The following RGS16 variants were observed in gnomAD, a reference collection of about 807,000 sequenced individuals.
RGS16 encodes hRGS-r.
RGS16 carries 12 observed loss-of-function variants against 18.1 expected under a neutral mutation model. The ratio of observed to expected loss-of-function variants is 0.66; its 90% CI spans 0.42 to 1.07. The LOEUF (loss-of-function observed/expected upper bound fraction) is 1.07. Among genes scored for constraint, RGS16 ranks in the 50% least tolerant of loss-of-function variants. The pLI, the probability that RGS16 is intolerant of heterozygous loss-of-function variation, is 0.00. For synonymous variants in RGS16, 88 were observed against 102.0 expected (o/e 0.86, Z 0.83); for missense variants, 238 against 249.2 (o/e 0.95, Z 0.30).
At chr1:182,601,179 T>C (rs946482564) in intron 4 of RGS16, among the ~76,000 whole-genome samples, 1 of 152,256 alleles carries the variant, frequency 6.6e-6, no homozygotes, top group Non-Finnish European at 1.5e-5. Flanking sequence ...ATGTCCTCAC[T>C]TCCCTTTACA....
At chr1:182,602,547 A>C in intron 2 of RGS16, 63 bp from the exon 3 acceptor site, 2 of 1,339,154 alleles carry the variant, frequency 1.5e-6, no homozygotes, top group South Asian at 2.5e-5. Context: ...GCATAGTACA[A>C]ATTCTAGCCA....
chr1:182,603,806 C>A (rs1191002468), intron 1 of RGS16, among the ~76,000 whole-genome samples: 1 of 151,402 alleles, frequency 6.6e-6, no homozygotes, highest in Admixed American at 6.6e-5. Context: ...CCCACCCCCA[C>A]ACACCCCACC....
intron 3 of RGS16, 45 bp downstream of exon 3, chr1:182,602,375 T>C: frequency 3.8e-6 from 6 of 1,560,082 alleles, no homozygotes; most frequent in Non-Finnish European, 5.3e-6. Flanking sequence ...AGCACATGAG[T>C]ACACATGTGC....
At chr1:182,603,862 G>GCC (rs1661908294) in intron 1 of RGS16, among the ~76,000 whole-genome samples, 2 of 152,012 alleles carry the variant, frequency 1.3e-5, no homozygotes, top group Admixed American at 6.6e-5. Flanking sequence ...AGGAGGCAAT[G>GCC]CCCCTAGCTC....
intron 4 of RGS16, among the ~76,000 whole-genome samples, chr1:182,601,181 C>A (rs892222205): frequency 5.3e-5 from 8 of 152,262 alleles, no homozygotes; most frequent in Non-Finnish European, 1.0e-4. Context: ...GTCCTCACTT[C>A]CCTTTACAGA....
chr1:182,602,359 C>T, intron 3 of RGS16, 61 bp downstream of exon 3: 1 of 1,458,128 alleles, frequency 6.9e-7, no homozygotes, highest in Non-Finnish European at 9.6e-7. Context: ...CTGGGGCTGG[C>T]TCCAAAGCAC....
At chr1:182,604,072 G>C in intron 1 of RGS16, 144 bp downstream of exon 1, 1 of 754,068 alleles carries the variant, frequency 1.3e-6, no homozygotes, top group Non-Finnish European at 2.2e-6. Context: ...TGGAATCTGA[G>C]CACGTGGCAT....
intron 1 of RGS16, 59 bp from the exon 2 acceptor site, chr1:182,603,398 G>T: frequency 7.1e-7 from 1 of 1,412,282 alleles, no homozygotes; most frequent in South Asian, 1.2e-5. Flanking sequence ...AGTGTGGAGA[G>T]GTTTATGGGT....
intron 2 of RGS16, 56 bp from the exon 3 acceptor site, chr1:182,602,540 T>C (rs1053902096): frequency 7.1e-7 from 1 of 1,399,954 alleles, no homozygotes; most frequent in Non-Finnish European, 1.0e-6. Context: ...AACCAAAGCA[T>C]AGTACAAATT....
At chr1:182,603,405 G>A in intron 1 of RGS16, 66 bp from the exon 2 acceptor site, 1 of 1,377,130 alleles carries the variant, frequency 7.3e-7, no homozygotes, top group South Asian at 1.2e-5. Flanking sequence ...AGAGGTTTAT[G>A]GGTCCCAGAA....
intron 2 of RGS16, among the ~76,000 whole-genome samples, chr1:182,602,970 G>A (rs1661891371): frequency 6.6e-6 from 1 of 152,190 alleles, no homozygotes; most frequent in South Asian, 2.1e-4. Context: ...TGAATCCCGA[G>A]GTGGGAGAGT....
chr1:182,601,120 T>A (rs1661856460), intron 4 of RGS16, among the ~76,000 whole-genome samples: 1 of 152,270 alleles, frequency 6.6e-6, no homozygotes, highest in African/African-American at 2.4e-5. Flanking sequence ...TGCTGCTTCC[T>A]GTGTTGGAAT....
At position 182,601,976 on chromosome 1, in the gene RGS16, G is replaced by A; in HGVS notation, c.377C>T (p.Ala126Val). 7 of 1,614,154 alleles carry A rather than the reference G, an allele frequency of 4.3e-6. No homozygotes were observed. Among genetic ancestry groups the A allele is most frequent in the African/African-American group, 1.3e-5 (1 of 75,006 alleles). Reference protein sequence around the residue: ...QIFEEFICSEAPKEVNIDHET... With the variant: ...QIFEEFICSEVPKEVNIDHET... Reference sequence around the variant, plus strand: ...TATGGGGGCTCTAACCTCTTTAGGGGCCTCACTGCAAATGAACTCCTCAAA... The same window carrying A: ...TATGGGGGCTCTAACCTCTTTAGGGACCTCACTGCAAATGAACTCCTCAAA... Residue 126 changes from alanine (A) to valine (V), a missense_variant, in exon 4 of 5, where the codon GCC becomes GTC. Ala to Val is a moderately conservative substitution (Grantham distance 64). Coordinates refer to ENST00000367558, the MANE Select transcript of RGS16 (RefSeq NM_002928.4).
chr1:182,602,889 T>C (rs1393272838), intron 2 of RGS16, among the ~76,000 whole-genome samples: 1 of 152,222 alleles, frequency 6.6e-6, no homozygotes, highest in Non-Finnish European at 1.5e-5. Context: ...TGAAAGAGTT[T>C]CTAGGCAAGG....
In RGS16 at chr1:182,602,007, G is replaced by C. The variant is rs138053872; in HGVS notation, c.346C>G (p.Gln116Glu). The change falls in exon 4 of 5, where the codon CAG becomes GAG. Residue 116 changes from glutamine to glutamate, a missense_variant. Coordinates refer to ENST00000367558, the MANE Select transcript of RGS16 (RefSeq NM_002928.4). The part of the protein sequence containing the change: ...SATKLASRAH[Q>E]IFEEFICSEA... Reference sequence around the variant, plus strand: ...CTGCAAATGAACTCCTCAAAGATCTGGTGTGCCCTGGAGGCCAGCTTGGTA... The same window carrying C: ...CTGCAAATGAACTCCTCAAAGATCTCGTGTGCCCTGGAGGCCAGCTTGGTA... 9.1e-4 allele frequency: 1,462 copies of C among 1,614,024 alleles called. 3 individuals carry two copies. The highest frequency in any genetic ancestry group is 1.2e-3 in the Non-Finnish European group (1,408 of 1,180,036).
rs1661834435 is a variant in RGS16, at chr1:182,600,137, A to G, written c.*155T>C. 1 of 643,768 alleles carries G rather than the reference A, an allele frequency of 1.6e-6. No individual in the cohort carries two copies. The highest frequency in any genetic ancestry group is 3.0e-5 in the Admixed American group (1 of 33,816). 39.9% of individuals were successfully genotyped at this position (643,768 alleles called of 1,614,324 possible). On this transcript the variant is annotated 3_prime_UTR_variant, in exon 5 of 5. Transcript: ENST00000367558. ...TCTGAAGGAGAGACTGCTGCTTCCC[A>G]AACAGGCTGCTGGAGCGCATTTTTT... is the stretch of plus-strand genomic sequence containing the variant.
intron 4 of RGS16, 115 bp downstream of exon 4, chr1:182,601,851 C>CA (rs1558488734): frequency 1.5e-6 from 2 of 1,316,244 alleles, no homozygotes; most frequent in East Asian, 4.6e-5. Context: ...ACCCCTGTGC[C>CA]AAGTAAGGCC....
At chr1:182,603,982 C>A (rs967246280) in intron 1 of RGS16, among the ~76,000 whole-genome samples, 1 of 152,184 alleles carries the variant, frequency 6.6e-6, no homozygotes, top group South Asian at 2.1e-4. Context: ...CACCTGAGCA[C>A]GACTGCAGTT....
At chr1:182,601,201 C>T (rs1213211197) in intron 4 of RGS16, among the ~76,000 whole-genome samples, 2 of 152,218 alleles carry the variant, frequency 1.3e-5, no homozygotes, top group African/African-American at 4.8e-5. Flanking sequence ...AATGGAAAAC[C>T]TTACGTCTTC....
Sources: allele counts gnomAD v4.1 joint callset (sites outside exome capture counted in the v4.1 genomes callset), GRCh38; gene constraint gnomAD v4.1.1; transcripts MANE v1.5; gene names NCBI Gene and HGNC (gene_info 2026-07-23, HGNC 2026-07-21).